LRP1B: variants seen among roughly 807,000 people sequenced by gnomAD.
The protein encoded by LRP1B is low-density lipoprotein receptor-related protein 1B.
A neutral mutation model predicts 556.6 loss-of-function variants in LRP1B; 217 were observed. That is an observed-to-expected ratio of 0.39 (90% CI 0.35 to 0.44). LRP1B has a LOEUF of 0.44. LRP1B is among the 20% of genes least tolerant of loss of function. LRP1B has a pLI of 1.00. For synonymous variants in LRP1B, 2,047 were observed against 1,865.8 expected (o/e 1.10, Z -2.50); for missense variants, 5,053 against 5,620.8 (o/e 0.90, Z 3.23).
At chr2:141,609,797 C>G (rs1688040891) in intron 2 of LRP1B, among the ~76,000 whole-genome samples, 1 of 152,172 alleles carries the variant, frequency 6.6e-6, no homozygotes, top group South Asian at 2.1e-4. Flanking sequence ...AACATGTCCT[C>G]TACCTAAATA....
At chr2:140,924,813 A>C (rs573510229) in intron 20 of LRP1B, among the ~76,000 whole-genome samples, 2 of 152,248 alleles carry the variant, frequency 1.3e-5, no homozygotes, top group East Asian at 3.9e-4. Context: ...ACACACAATC[A>C]ATCACACACA....
intron 43 of LRP1B, among the ~76,000 whole-genome samples, chr2:140,591,653 C>T (rs1682230574): frequency 6.6e-6 from 1 of 152,110 alleles, no homozygotes; most frequent in Non-Finnish European, 1.5e-5. Context: ...ATCTGGATGC[C>T]CTGCAATACA....
intron 3 of LRP1B, among the ~76,000 whole-genome samples, chr2:141,426,704 T>C (rs1680376236): frequency 6.6e-6 from 1 of 152,210 alleles, no homozygotes; most frequent in Non-Finnish European, 1.5e-5. Context: ...TACTTTCATA[T>C]AATGCTTTTT....
chr2:140,972,111 T>C (rs1352738377), intron 18 of LRP1B, among the ~76,000 whole-genome samples: 1 of 152,180 alleles, frequency 6.6e-6, no homozygotes, highest in East Asian at 1.9e-4. Context: ...AGACTGGGCT[T>C]TGTTAGTCAG....
intron 2 of LRP1B, among the ~76,000 whole-genome samples, chr2:141,692,946 T>A (rs867196989): frequency 6.6e-5 from 10 of 152,156 alleles, no homozygotes; most frequent in South Asian, 4.1e-4. Context: ...TGGCTGTACA[T>A]AATTTGTGAG....
chr2:140,832,314 C>T (rs1691745832), intron 31 of LRP1B, among the ~76,000 whole-genome samples: 1 of 152,026 alleles, frequency 6.6e-6, no homozygotes, highest in Non-Finnish European at 1.5e-5. Context: ...CCCATGTATA[C>T]TGAGGGACTG....
At chr2:141,499,794 G>C (rs1201619666) in intron 2 of LRP1B, among the ~76,000 whole-genome samples, 2 of 151,924 alleles carry the variant, frequency 1.3e-5, no homozygotes, top group African/African-American at 2.4e-5. Flanking sequence ...AAAATATATA[G>C]GATTTGTGTT....
chr2:140,397,405 G>A (rs1684302162), intron 66 of LRP1B, among the ~76,000 whole-genome samples: 1 of 151,950 alleles, frequency 6.6e-6, no homozygotes. Context: ...GTGTCCATGT[G>A]TTCATTTTAC....
chr2:141,668,312 A>T (rs1304556333), intron 2 of LRP1B, among the ~76,000 whole-genome samples: 1 of 152,146 alleles, frequency 6.6e-6, no homozygotes, highest in Non-Finnish European at 1.5e-5. Context: ...GTTCTCCAGC[A>T]AAGGCCCCAC....
At chr2:141,341,470 CCT>C (rs907974605) in intron 3 of LRP1B, among the ~76,000 whole-genome samples, 2 of 152,074 alleles carry the variant, frequency 1.3e-5, no homozygotes, top group African/African-American at 4.8e-5. Flanking sequence ...TCTTTCCCTC[CCT>C]CTCTCTATGA....
rs751944741 is a variant in LRP1B, at chr2:140,274,598, T to C, written c.12968A>G (p.Tyr4323Cys). ...ATTCACACAATAGTGGTGGCACACG[T>C]CTAGGAAAAAAAGGCACAACAGAAA... ...PEYTGDRCQY[Y>C]VCHHYCVNSE... Residue 4323 changes from tyrosine to cysteine, a missense_variant and splice_region_variant, in exon 85 of 91, where the codon TAC (tyrosine) becomes TGC (cysteine). This residue lies in a region of LRP1B where 551 missense variants were observed against 592.0 expected (regional missense o/e 0.93). Coordinates refer to ENST00000389484, the MANE Select transcript of LRP1B (RefSeq NM_018557.3). 117 of 1,606,244 alleles carry C rather than the reference T, an allele frequency of 7.3e-5. No homozygotes were observed. Among genetic ancestry groups the C allele is most frequent in the Non-Finnish European group, 9.6e-5 (113 of 1,176,336 alleles).
intron 23 of LRP1B, among the ~76,000 whole-genome samples, chr2:140,886,701 A>G (rs183241236): frequency 6.6e-6 from 1 of 152,258 alleles, no homozygotes; most frequent in East Asian, 1.9e-4. Flanking sequence ...TTTGGCTAAA[A>G]CTAACTTTGC....
chr2:141,680,317 C>T (rs750432978), intron 2 of LRP1B, among the ~76,000 whole-genome samples: 21 of 152,052 alleles, frequency 1.4e-4, no homozygotes, highest in African/African-American at 2.2e-4. Context: ...TTTTTTATTA[C>T]GTTTTAAATA....
At chr2:141,835,138 G>C (rs146340207) in intron 1 of LRP1B, among the ~76,000 whole-genome samples, 1 of 151,922 alleles carries the variant, frequency 6.6e-6, no homozygotes. Context: ...CATTAAGTGG[G>C]GTCAGCAAAA....
intron 90 of LRP1B, among the ~76,000 whole-genome samples, chr2:140,234,099 A>G (rs1037669592): frequency 1.3e-5 from 2 of 151,338 alleles, no homozygotes; most frequent in Non-Finnish European, 3.0e-5. Context: ...AAAACAGTAC[A>G]TTAAATCTTA....
At chr2:140,288,485 A>C (rs898152804) in intron 84 of LRP1B, among the ~76,000 whole-genome samples, 16 of 151,968 alleles carry the variant, frequency 1.1e-4, no homozygotes, top group African/African-American at 3.6e-4. Flanking sequence ...GTTACTCTTA[A>C]ATTTACATTT....
chr2:140,457,600 T>C lies in LRP1B; in HGVS notation c.9677A>G (p.Tyr3226Cys), dbSNP rs2105324245. 2 of 1,613,804 alleles carry C rather than the reference T, an allele frequency of 1.2e-6. No homozygotes were observed. Among genetic ancestry groups the C allele is most frequent in the Non-Finnish European group, 1.7e-6 (2 of 1,179,726 alleles). ...GVIALTLFEDYIYWTDGKTKS... is the reference protein window; with the variant it reads ...GVIALTLFEDCIYWTDGKTKS... ...GGTTTTCCCATCAGTCCAGTAGATGTAGTCTTCAAACAATGTTAGTGCAAT... is the reference window on the plus strand; with the variant it reads ...GGTTTTCCCATCAGTCCAGTAGATGCAGTCTTCAAACAATGTTAGTGCAAT... Residue 3226 changes from tyrosine to cysteine, a missense_variant, in exon 61 of 91, where the codon TAC becomes TGC. Physicochemically the swap from Tyr to Cys is radical, Grantham distance 194. Around this residue, in one of 5 missense-constraint regions of LRP1B, gnomAD observed 262 missense variants for 395.1 expected, o/e 0.66. Transcript: ENST00000389484.
intron 32 of LRP1B, among the ~76,000 whole-genome samples, chr2:140,794,914 G>A (rs1299995601): frequency 6.6e-6 from 1 of 151,956 alleles, no homozygotes; most frequent in Non-Finnish European, 1.5e-5. Context: ...CACCCAGCCG[G>A]CCACTTTCTA....
At chr2:141,159,759 A>G (rs1038598886) in intron 7 of LRP1B, among the ~76,000 whole-genome samples, 5 of 152,196 alleles carry the variant, frequency 3.3e-5, no homozygotes, top group Non-Finnish European at 5.9e-5. Flanking sequence ...ATTGTTCAAC[A>G]TTTTAGCATT....
Sources: gnomAD v4.1 joint callset for allele counts (sites outside exome capture counted in the v4.1 genomes callset) on GRCh38, gnomAD v4.1.1 for gene constraint, gnomAD v4.1.1 regional missense constraint, MANE v1.5 for transcripts, NCBI Gene and HGNC (gene_info 2026-07-23, HGNC 2026-07-21) for gene names.